VXN: variants seen among roughly 807,000 people sequenced by gnomAD.
The protein encoded by VXN is vexin, also known as uncharacterized protein C8orf46.
VXN carries 7 observed loss-of-function variants against 23.1 expected under a neutral mutation model. The observed-to-expected ratio is 0.30, with a 90% CI of 0.17 to 0.57. VXN has a LOEUF of 0.57. Ranked by LOEUF, VXN falls within the 20% of genes least tolerant of loss-of-function variation. The pLI is 0.91. For synonymous variants in VXN, 120 were observed against 105.8 expected (o/e 1.13, Z -0.83); for missense variants, 238 against 272.6 (o/e 0.87, Z 0.89).
intron 2 of VXN, among the ~76,000 whole-genome samples, chr8:66,497,827 G>T (rs1807642841): frequency 6.6e-6 from 1 of 152,104 alleles, no homozygotes; most frequent in South Asian, 2.1e-4. Flanking sequence ...AAGAATTCGA[G>T]GCCAGCCTGG....
rs1212936350 is a variant in VXN, at chr8:66,516,803, C to A, written c.*727C>A. On this transcript the variant is annotated 3_prime_UTR_variant, in exon 6 of 6. Coordinates refer to ENST00000305454, the MANE Select transcript of VXN (RefSeq NM_152765.4). ...TCTCATCCGTTATCTCTTATCTTCA[C>A]AAAACCCCTGTGGAAGAAAGCACAA... The A allele has an allele frequency of 2.6e-5, 4 of 152,198 alleles. No homozygotes were observed. The highest frequency in any genetic ancestry group is 5.9e-5 in the Non-Finnish European group (4 of 68,040). 9.4% of individuals were successfully genotyped at this position (152,198 alleles called of 1,614,324 possible). A position where few individuals can be genotyped will look rare whatever the true frequency, so the allele number is the denominator to read the frequency against.
At chr8:66,504,463 C>T (rs1431792784) in intron 2 of VXN, among the ~76,000 whole-genome samples, 1 of 145,708 alleles carries the variant, frequency 6.9e-6, no homozygotes, top group Admixed American at 6.9e-5. Context: ...CATGCAGGAT[C>T]GAAGCCCAAA....
At chr8:66,501,354 A>C (rs934656543) in intron 2 of VXN, 1 of 152,202 alleles carries the variant, frequency 6.6e-6, no homozygotes, top group African/African-American at 2.4e-5. Context: ...AAGAAAGAGA[A>C]GTGTTTTTAA....
chr8:66,507,103 T>A (rs1404612119), intron 3 of VXN, among the ~76,000 whole-genome samples: 1 of 152,220 alleles, frequency 6.6e-6, no homozygotes, highest in Non-Finnish European at 1.5e-5. Context: ...CAAGATTTTA[T>A]GTTTCTAACA....
intron 1 of VXN, among the ~76,000 whole-genome samples, chr8:66,495,202 A>T (rs1005984833): frequency 6.6e-6 from 1 of 152,236 alleles, no homozygotes; most frequent in Non-Finnish European, 1.5e-5. Context: ...GAACCAAAAC[A>T]TTGCCTCTGA....
intron 4 of VXN, among the ~76,000 whole-genome samples, chr8:66,511,669 A>G (rs1807825657): frequency 6.6e-6 from 1 of 152,232 alleles, no homozygotes; most frequent in Non-Finnish European, 1.5e-5. Context: ...AGCTGGCTTC[A>G]GACAGTGCCC....
chr8:66,515,872 C>T, intron 5 of VXN, 21 bp from the exon 6 acceptor site: 1 of 1,539,926 alleles, frequency 6.5e-7, no homozygotes, highest in Non-Finnish European at 8.7e-7. Flanking sequence ...CCCTCCCCAC[C>T]CACTCCTGGC....
chr8:66,510,693 C>T (rs181963839), intron 4 of VXN, among the ~76,000 whole-genome samples: 52 of 152,292 alleles, frequency 3.4e-4, no homozygotes, highest in African/African-American at 1.1e-3. Flanking sequence ...CAGTGACTGG[C>T]GACGGCTCTC....
chr8:66,505,505 C>T lies in VXN; in HGVS notation c.257C>T (p.Pro86Leu), dbSNP rs1807741974. ...LQTARPPTAH[P>L]AKASARPVGI... ...ACCGCGCGGCCGCCCACAGCCCACC[C>T]GGCCAAAGCCTCTGCCAGACCCGGT... The change falls in exon 3 of 6, where the codon CCG becomes CTG. Residue 86 changes from proline to leucine, a missense_variant. This residue lies in a region of VXN where 223 missense variants were observed against 236.9 expected (regional missense o/e 0.94). Coordinates refer to ENST00000305454, the MANE Select transcript of VXN (RefSeq NM_152765.4). 1.3e-6 allele frequency: 2 copies of T among 1,540,524 alleles called. No homozygotes were observed. The highest frequency in any genetic ancestry group is 4.6e-5 in the East Asian group (2 of 43,288).
At position 66,518,296 on chromosome 8, in the gene VXN, A is replaced by G. The variant is rs959599096; in HGVS notation, c.*2220A>G. 8.5e-5 allele frequency: 13 copies of G among 152,386 alleles called. No homozygotes were observed. The highest frequency in any genetic ancestry group is 2.9e-4 in the African/African-American group (12 of 41,594). 9.4% of individuals were successfully genotyped at this position (152,386 alleles called of 1,614,324 possible). On this transcript the variant is annotated 3_prime_UTR_variant, in exon 6 of 6. Coordinates refer to ENST00000305454, the MANE Select transcript of VXN (RefSeq NM_152765.4). ...TCTCCTGAAAGCTGGGATGACAGGC[A>G]CATGCCACCACACCTAGCTCCTTAC... is the stretch of plus-strand genomic sequence containing the variant.
chr8:66,516,052 C>G lies in VXN; in HGVS notation c.600C>G (p.Thr200=). ...AGAAGTCTGAATATGTGGGAGCCAC[C>G]AACAGCGCCTTTGAGGCCGACTAAA... is the stretch of plus-strand genomic sequence containing the variant. The part of the protein sequence containing the change: ...HKKKSEYVGA[T]NSAFEAD The change falls in exon 6 of 6, where the codon ACC becomes ACG. Residue 200 remains threonine, a synonymous_variant. Transcript: ENST00000305454. 6.2e-7 allele frequency: 1 copy of G among 1,611,904 alleles called. No individual in the cohort carries two copies. Among genetic ancestry groups the G allele is most frequent in the Non-Finnish European group, 8.5e-7 (1 of 1,179,710 alleles).
At position 66,518,459 on chromosome 8, in the gene VXN, T is replaced by C. The variant is rs1807920808; in HGVS notation, c.*2383T>C. On this transcript the variant is annotated 3_prime_UTR_variant, in exon 6 of 6. Coordinates refer to ENST00000305454, the MANE Select transcript of VXN (RefSeq NM_152765.4). Reference sequence around the variant, plus strand: ...TGAACTGTTTGCCTTGTATGGAACATTTTACTTGGCCAATTCAAATAAAAA... The same window carrying C: ...TGAACTGTTTGCCTTGTATGGAACACTTTACTTGGCCAATTCAAATAAAAA... 2 of 152,232 alleles carry C rather than the reference T, an allele frequency of 1.3e-5. No individual in the cohort carries two copies. Among genetic ancestry groups the C allele is most frequent in the African/African-American group, 4.8e-5 (2 of 41,464 alleles). The allele number at this position is 152,232 out of a possible 1,614,324, so 9.4% of individuals were successfully genotyped here.
rs949990958 is a variant in VXN at position 66,516,159 on chromosome 8, C to T, written c.*83C>T. ...CCTTCAGGATTGAAACTGAGCCACA[C>T]GCACCTCTGCTAGTAGCTGGTCCAA... On this transcript the variant is annotated 3_prime_UTR_variant, in exon 6 of 6. Transcript: ENST00000305454. 1.9e-5 allele frequency: 24 copies of T among 1,271,426 alleles called. No homozygotes were observed. The highest frequency in any genetic ancestry group is 4.5e-5 in the African/African-American group (3 of 66,236). The allele number at this position is 1,271,426 out of a possible 1,614,324, so 78.8% of individuals were successfully genotyped here.
chr8:66,513,516 C>T, intron 4 of VXN, 24 bp from the exon 5 acceptor site: 1 of 1,602,654 alleles, frequency 6.2e-7, no homozygotes, highest in South Asian at 1.1e-5. Context: ...CATCCTCACA[C>T]TCCCTCCCGC....
intron 4 of VXN, 61 bp downstream of exon 4, chr8:66,510,218 A>G (rs1807806609): frequency 7.4e-7 from 1 of 1,349,924 alleles, no homozygotes; most frequent in African/African-American, 1.4e-5. Context: ...GTCATGTCTG[A>G]TTCTCCTGTG....
At chr8:66,504,366 A>C (rs1807723631) in intron 2 of VXN, among the ~76,000 whole-genome samples, 1 of 151,930 alleles carries the variant, frequency 6.6e-6, no homozygotes, top group East Asian at 1.9e-4. Flanking sequence ...ATGAAAATAA[A>C]ATCAGGAACA....
chr8:66,510,434 G>T, intron 4 of VXN: 1 of 340,868 alleles, frequency 2.9e-6, no homozygotes, highest in Non-Finnish European at 5.3e-6. Flanking sequence ...CTTATACATG[G>T]TGAGGGGTGG....
intron 3 of VXN, among the ~76,000 whole-genome samples, chr8:66,508,957 G>A (rs1807791011): frequency 6.6e-6 from 1 of 152,150 alleles, no homozygotes; most frequent in Non-Finnish European, 1.5e-5. Flanking sequence ...GATTACGCAT[G>A]CCACTGCACT....
chr8:66,504,389 G>A (rs892517582), intron 2 of VXN, among the ~76,000 whole-genome samples: 1 of 151,880 alleles, frequency 6.6e-6, no homozygotes, highest in Non-Finnish European at 1.5e-5. Context: ...TGTGATGAAA[G>A]GGCTGCCCAC....
Sources: gnomAD v4.1 joint callset for allele counts (sites outside exome capture counted in the v4.1 genomes callset) on GRCh38, gnomAD v4.1.1 for gene constraint, gnomAD v4.1.1 regional missense constraint, MANE v1.5 for transcripts, NCBI Gene and HGNC (gene_info 2026-07-23, HGNC 2026-07-21) for gene names.